KLC1: variants seen among roughly 807,000 people sequenced by gnomAD.
KLC1 encodes the protein kinesin 2 60/70kDa.
KLC1 carries 30 observed loss-of-function variants against 84.2 expected under a neutral mutation model. That is an observed-to-expected ratio of 0.36 (90% confidence interval 0.27 to 0.48). KLC1 has a LOEUF of 0.48. KLC1 is among the 20% of genes least tolerant of loss of function. The pLI is 0.99. For missense variants in KLC1, 499 were observed against 805.4 expected, an observed-to-expected ratio of 0.62 and a Z score of 4.60; for synonymous variants, 289 against 293.3, an observed-to-expected ratio of 0.99 and a Z score of 0.15.
intron 1 of KLC1, among the ~76,000 whole-genome samples, chr14:103,650,675 T>G (rs1890536755): frequency 6.8e-6 from 1 of 147,350 alleles, no homozygotes; most frequent in African/African-American, 2.5e-5. Flanking sequence ...GCCTACCGGG[T>G]TCAAGCGATT....
At chr14:103,696,263 G>A in intron 15 of KLC1, 1 of 985,422 alleles carries the variant, frequency 1.0e-6, no homozygotes, top group East Asian at 1.1e-4. Context: ...ATGCTTCCCT[G>A]AAGCAGCAGC....
intron 13 of KLC1, chr14:103,685,108 G>A: frequency 6.6e-7 from 1 of 1,526,180 alleles, no homozygotes; most frequent in Non-Finnish European, 8.8e-7. Flanking sequence ...TTCCAACCTG[G>A]CAGGACCCAG....
At chr14:103,692,528 G>A (rs2082180077) in intron 15 of KLC1, 103 bp downstream of exon 15, 1 of 938,030 alleles carries the variant, frequency 1.1e-6, no homozygotes, top group South Asian at 1.5e-5. Flanking sequence ...CTCCTGCAGA[G>A]GGCTGGGGAC....
At chr14:103,685,068 C>T (rs1176672640) in intron 13 of KLC1, 1 of 1,545,380 alleles carries the variant, frequency 6.5e-7, no homozygotes, top group South Asian at 1.2e-5. Flanking sequence ...GCAGGCCCTG[C>T]CGTCTGGCGC....
intron 15 of KLC1, chr14:103,699,125 G>A (rs1047962571): frequency 3.8e-6 from 6 of 1,573,036 alleles, no homozygotes; most frequent in South Asian, 3.5e-5. Flanking sequence ...CCACATGGCT[G>A]CACTCACCCC....
At chr14:103,639,377 T>A (rs1259634896) in intron 1 of KLC1, among the ~76,000 whole-genome samples, 1 of 152,082 alleles carries the variant, frequency 6.6e-6, no homozygotes, top group African/African-American at 2.4e-5. Context: ...GTGATCCGCC[T>A]GCCTCAGCCT....
chr14:103,687,237 A>G, intron 14 of KLC1, 26 bp downstream of exon 14: 1 of 1,512,950 alleles, frequency 6.6e-7, no homozygotes, highest in Non-Finnish European at 8.9e-7. Flanking sequence ...AGCTCTCCCG[A>G]CTCCCTGCAC....
intron 14 of KLC1, chr14:103,688,264 C>T (rs1033527904): frequency 7.9e-5 from 12 of 152,274 alleles, no homozygotes; most frequent in African/African-American, 2.9e-4. Context: ...ATTCTCCTGC[C>T]TCAGCCTCCC....
At chr14:103,642,429 A>G (rs182880756) in intron 1 of KLC1, among the ~76,000 whole-genome samples, 3 of 152,264 alleles carry the variant, frequency 2.0e-5, no homozygotes, top group East Asian at 1.9e-4. Flanking sequence ...ATTTTGTACA[A>G]TGTCCTTAAA....
chr14:103,636,371 G>C (rs867202382), intron 1 of KLC1, among the ~76,000 whole-genome samples: 2 of 152,006 alleles, frequency 1.3e-5, no homozygotes, highest in Admixed American at 1.3e-4. Flanking sequence ...ACAGTCATGG[G>C]CCACCATGCC....
intron 12 of KLC1, 126 bp downstream of exon 12, chr14:103,677,649 T>C: frequency 1.5e-6 from 1 of 680,928 alleles, no homozygotes; most frequent in East Asian, 2.7e-5. Context: ...TTTGAACAAA[T>C]AAAGTTATAT....
intron 1 of KLC1, among the ~76,000 whole-genome samples, chr14:103,650,662 T>A (rs1385114008): frequency 6.7e-6 from 1 of 148,468 alleles, no homozygotes; most frequent in Non-Finnish European, 1.5e-5. Flanking sequence ...CACTGCAACC[T>A]CTGCCTACCG....
chr14:103,662,622 G>A lies in KLC1; in HGVS notation c.572-80G>A, dbSNP rs2079391004. On this transcript the variant is annotated intron_variant, in intron 4 of 16. Coordinates refer to ENST00000334553, the MANE Select transcript of KLC1 (RefSeq NM_001394837.1). ...CAAGTACTAACTTGAACCAAAGTTA[G>A]TAAAGATAATTTTAAAGAAACTGAC... 6.0e-6 allele frequency: 7 copies of A among 1,175,128 alleles called. No homozygotes were observed. In the South Asian group the frequency reaches 1.0e-4, roughly 18 times the overall value. The allele number at this position is 1,175,128 out of a possible 1,614,324, so 72.8% of individuals were successfully genotyped here.
At position 103,657,590 on chromosome 14, in the gene KLC1, G is replaced by A; in HGVS notation, c.306G>A (p.Glu102=). 1 of 1,614,202 alleles carries A rather than the reference G, an allele frequency of 6.2e-7. No homozygotes were observed. Among genetic ancestry groups the A allele is most frequent in the South Asian group, 1.1e-5 (1 of 91,086 alleles). Residue 102 remains glutamate (E), a synonymous_variant, in exon 3 of 17, where the codon GAG becomes GAA. Transcript: ENST00000334553. ...LSNHLNAVES[E]KQKLRAQVRR... ...ATCACCTGAATGCTGTGGAGTCCGA[G>A]AAGCAGAAACTGCGTGCGCAGGTTC... is the stretch of plus-strand genomic sequence containing the variant.
At chr14:103,696,510 G>A in intron 15 of KLC1, 1 of 985,410 alleles carries the variant, frequency 1.0e-6, no homozygotes, top group South Asian at 4.7e-5. Flanking sequence ...TGTCATAACT[G>A]TATGGAATTT....
intron 15 of KLC1, chr14:103,698,906 T>C: frequency 6.2e-7 from 1 of 1,601,886 alleles, no homozygotes; most frequent in Non-Finnish European, 8.5e-7. Context: ...GGGTCCGGGC[T>C]GGGCAGCCGA....
At chr14:103,657,893 A>G (rs904053743) in intron 3 of KLC1, 117 bp downstream of exon 3, 9 of 759,808 alleles carry the variant, frequency 1.2e-5, no homozygotes, top group African/African-American at 1.8e-5. Flanking sequence ...ACATTAGAAC[A>G]TGCAAAAATG....
chr14:103,668,490 T>C (rs1263875369), intron 5 of KLC1, among the ~76,000 whole-genome samples: 2 of 152,188 alleles, frequency 1.3e-5, no homozygotes, highest in East Asian at 1.9e-4. Flanking sequence ...CTTTTTTTTT[T>C]CTTTTGAGAC....
At chr14:103,696,382 C>T (rs1228119464) in intron 15 of KLC1, 12 of 985,332 alleles carry the variant, frequency 1.2e-5, no homozygotes, top group Admixed American at 6.1e-5. Flanking sequence ...GGATTCACAT[C>T]GTTGTTTTCT....
Sources: allele counts gnomAD v4.1 joint callset (sites outside exome capture counted in the v4.1 genomes callset), GRCh38; gene constraint gnomAD v4.1.1; transcripts MANE v1.5; gene names NCBI Gene and HGNC (gene_info 2026-07-23, HGNC 2026-07-21).